The following CSMD3 variants were observed in gnomAD, a reference collection of about 807,000 sequenced individuals.
CSMD3 encodes the protein CUB and sushi domain-containing protein 3.
A neutral mutation model predicts 435.2 loss-of-function variants in CSMD3; 177 were observed. That is an observed-to-expected ratio of 0.41 (90% CI 0.36 to 0.46). The LOEUF (loss-of-function observed/expected upper bound fraction) is 0.46. CSMD3 is among the 20% of genes least tolerant of loss of function. The pLI, the probability that CSMD3 is intolerant of heterozygous loss-of-function variation, is 0.34. For synonymous variants in CSMD3, 1,656 were observed against 1,520.5 expected, an observed-to-expected ratio of 1.09 and a Z score of -2.07; for missense variants, 4,265 against 4,504.6, an observed-to-expected ratio of 0.95 and a Z score of 1.52.
intron 5 of CSMD3, among the ~76,000 whole-genome samples, chr8:113,052,266 C>T (rs1448284458): frequency 6.6e-6 from 1 of 151,978 alleles, no homozygotes; most frequent in African/African-American, 2.4e-5. Flanking sequence ...TTTAGCTGTC[C>T]AAGTTAAATT....
intron 3 of CSMD3, among the ~76,000 whole-genome samples, chr8:113,219,139 A>C (rs1304254531): frequency 2.0e-5 from 3 of 151,434 alleles, no homozygotes; most frequent in African/African-American, 7.3e-5. Context: ...AGGAAATTAA[A>C]GGAGAAAGAG....
chr8:112,716,633 T>C (rs73344650), intron 13 of CSMD3, among the ~76,000 whole-genome samples: 2,656 of 151,874 alleles, frequency 0.017, 77 homozygotes, highest in African/African-American at 0.061. Context: ...TCCTAAGCAA[T>C]AAGAACAAAG....
chr8:112,856,683 AAATCTCAGGTTACTTTTTCCATC>A (rs1391482086), intron 11 of CSMD3, among the ~76,000 whole-genome samples: 2 of 151,914 alleles, frequency 1.3e-5, no homozygotes, highest in African/African-American at 4.8e-5. Context: ...ATCAAGTTTT[AAATCTCAGGTTACTTTTTCCATC>A]AACCATGTAC....
intron 4 of CSMD3, among the ~76,000 whole-genome samples, chr8:113,117,501 G>A (rs1273747991): frequency 6.6e-6 from 1 of 152,206 alleles, no homozygotes; most frequent in Non-Finnish European, 1.5e-5. Context: ...AGGGCATTGT[G>A]GAAGGGAAAT....
At chr8:112,499,132 A>G in intron 30 of CSMD3, among the ~76,000 whole-genome samples, 1 of 152,140 alleles carries the variant, frequency 6.6e-6, no homozygotes, top group East Asian at 1.9e-4. Context: ...AGTATCAGAT[A>G]TTGACATTAT....
intron 11 of CSMD3, among the ~76,000 whole-genome samples, chr8:112,857,554 C>T (rs1426323182): frequency 6.6e-6 from 1 of 151,600 alleles, no homozygotes; most frequent in Non-Finnish European, 1.5e-5. Context: ...AATGAATTTG[C>T]TTCATGTCTA....
At chr8:112,364,952 T>C (rs966863499) in intron 38 of CSMD3, among the ~76,000 whole-genome samples, 2 of 152,130 alleles carry the variant, frequency 1.3e-5, no homozygotes, top group African/African-American at 4.8e-5. Context: ...GTAAATTCTA[T>C]GAATTCAGCA....
intron 36 of CSMD3, among the ~76,000 whole-genome samples, chr8:112,388,365 T>A (rs1159069497): frequency 6.6e-6 from 1 of 152,138 alleles, no homozygotes; most frequent in South Asian, 2.1e-4. Context: ...TGCAGGAGAA[T>A]AAGAACCTGG....
intron 38 of CSMD3, among the ~76,000 whole-genome samples, chr8:112,368,486 C>CT (rs1429620640): frequency 6.6e-6 from 1 of 152,134 alleles, no homozygotes; most frequent in Non-Finnish European, 1.5e-5. Flanking sequence ...ATTAATAGTG[C>CT]TTACACCATT....
intron 7 of CSMD3, among the ~76,000 whole-genome samples, chr8:112,960,054 G>T (rs2084170361): frequency 2.0e-5 from 3 of 151,748 alleles, no homozygotes; most frequent in Admixed American, 1.3e-4. Flanking sequence ...AGAATTATCA[G>T]TTCTATTCCA....
chr8:112,304,643 T>C, intron 52 of CSMD3, 78 bp downstream of exon 52: 1 of 1,068,080 alleles, frequency 9.4e-7, no homozygotes, highest in Admixed American at 1.7e-5. Context: ...ATCTAATGTG[T>C]TTATGAAAGG....
intron 3 of CSMD3, among the ~76,000 whole-genome samples, chr8:113,261,255 G>A (rs1245294601): frequency 6.6e-6 from 1 of 151,938 alleles, no homozygotes; most frequent in African/African-American, 2.4e-5. Flanking sequence ...TGTTACTTTT[G>A]GTTCCAGGTA....
intron 4 of CSMD3, among the ~76,000 whole-genome samples, chr8:113,147,523 C>T (rs1443726213): frequency 3.3e-5 from 5 of 151,570 alleles, no homozygotes; most frequent in Non-Finnish European, 5.9e-5. Flanking sequence ...TGTACTTCAG[C>T]GCTTTTGGAT....
chr8:113,226,602 C>T (rs2093031734), intron 3 of CSMD3, among the ~76,000 whole-genome samples: 1 of 151,570 alleles, frequency 6.6e-6, no homozygotes, highest in African/African-American at 2.4e-5. Context: ...TGGAAATTAA[C>T]TCATGCACTA....
chr8:113,323,713 T>TTTATACTCACATTTTACTCAC, intron 1 of CSMD3, among the ~76,000 whole-genome samples: 1 of 152,314 alleles, frequency 6.6e-6, no homozygotes, highest in African/African-American at 2.4e-5. Context: ...TATATCAAAT[T>TTTATACTCACATTTTACTCAC]ATTTGGGCTA....
chr8:113,322,072 A>C (rs550532612), intron 1 of CSMD3, among the ~76,000 whole-genome samples: 1 of 152,288 alleles, frequency 6.6e-6, no homozygotes, highest in Non-Finnish European at 1.5e-5. Flanking sequence ...AATAATTACA[A>C]ACTGAAAACC....
chr8:112,285,230 G>A (rs1301602658), intron 58 of CSMD3, among the ~76,000 whole-genome samples: 1 of 151,996 alleles, frequency 6.6e-6, no homozygotes, highest in African/African-American at 2.4e-5. Context: ...GCTGAACAAA[G>A]GACTGACTTA....
intron 6 of CSMD3, among the ~76,000 whole-genome samples, chr8:113,014,390 C>T (rs1317390766): frequency 2.6e-5 from 4 of 152,052 alleles, no homozygotes; most frequent in Non-Finnish European, 5.9e-5. Flanking sequence ...GTCCAACTGG[C>T]CATCATGCCT....
intron 10 of CSMD3, among the ~76,000 whole-genome samples, chr8:112,869,970 C>T (rs1009152825): frequency 6.6e-6 from 1 of 152,100 alleles, no homozygotes; most frequent in African/African-American, 2.4e-5. Context: ...ATAGGTGCAG[C>T]AAACCACCAT....
Sources: gnomAD v4.1 joint callset for allele counts (sites outside exome capture counted in the v4.1 genomes callset) on GRCh38, gnomAD v4.1.1 for gene constraint, MANE v1.5 for transcripts, NCBI Gene and HGNC (gene_info 2026-07-23, HGNC 2026-07-21) for gene names.